The following EIF4E3 variants were observed in gnomAD, a reference collection of about 807,000 sequenced individuals.
The protein encoded by EIF4E3 is eukaryotic translation initiation factor 4E family member 3.
Under a neutral mutation model 31.7 loss-of-function variants are expected in EIF4E3, and 26 were observed. That is an observed-to-expected ratio of 0.82 (90% confidence interval 0.60 to 1.14). EIF4E3 has a LOEUF of 1.14. Ranked by LOEUF, EIF4E3 falls within the 50% of genes most tolerant of loss-of-function variation. The pLI is 0.00. For missense variants in EIF4E3, 304 were observed against 270.9 expected, an observed-to-expected ratio of 1.12 and a Z score of -0.86; for synonymous variants, 128 against 107.7, an observed-to-expected ratio of 1.19 and a Z score of -1.17.
intron 2 of EIF4E3, among the ~76,000 whole-genome samples, chr3:71,706,583 A>G (rs571491338): frequency 6.6e-6 from 1 of 152,250 alleles, no homozygotes; most frequent in East Asian, 1.9e-4. Context: ...TTGGGAGGTC[A>G]AGGAGGGAAC....
At chr3:71,663,684 CA>C in the EIF4E3 span, among the ~76,000 whole-genome samples, 1 of 152,218 alleles carries the variant, frequency 6.6e-6, no homozygotes, top group Non-Finnish European at 1.5e-5. Flanking sequence ...CTCTCAGGCC[CA>C]ACCAGGCCTT....
At chr3:71,699,759 T>C in intron 2 of EIF4E3, 51 bp from the exon 3 acceptor site, 1 of 1,477,286 alleles carries the variant, frequency 6.8e-7, no homozygotes, top group Admixed American at 1.8e-5. Flanking sequence ...ATTGATTTAT[T>C]ATGCTGCTAG....
chr3:71,754,206 C>T, upstream of EIF4E3: 1 of 1,406,656 alleles, frequency 7.1e-7, no homozygotes, highest in Non-Finnish European at 9.4e-7. This position sits in a 1 kb window ranked among gnomAD's most constrained non-coding sequence, Gnocchi z 5.8. Context: ...GCACCGCGCC[C>T]CGTACTACCT....
chr3:71,696,016 A>G (rs1251054859), intron 4 of EIF4E3, among the ~76,000 whole-genome samples: 1 of 152,232 alleles, frequency 6.6e-6, no homozygotes, highest in Non-Finnish European at 1.5e-5. Context: ...GGATAGTGAA[A>G]TGCCAAGCCT....
chr3:71,664,094 C>T, the EIF4E3 span, among the ~76,000 whole-genome samples: 2 of 152,228 alleles, frequency 1.3e-5, no homozygotes, highest in Middle Eastern at 3.4e-3. Context: ...GACTCAGCTC[C>T]TTGTGGGCTA....
chr3:71,686,842 G>A (rs1240613291), intron 6 of EIF4E3, among the ~76,000 whole-genome samples: 1 of 152,154 alleles, frequency 6.6e-6, no homozygotes, highest in East Asian at 1.9e-4. Context: ...AGAATTGGGA[G>A]TGCCTAGTGA....
At chr3:71,726,445 G>T (rs1190644509), upstream of EIF4E3, among the ~76,000 whole-genome samples, 2 of 152,176 alleles carry the variant, frequency 1.3e-5, no homozygotes, top group Non-Finnish European at 2.9e-5. Context: ...AAAAGCAAAG[G>T]CATGAGGCCT....
intron 1 of EIF4E3, among the ~76,000 whole-genome samples, chr3:71,734,764 A>C (rs914184516): frequency 6.6e-6 from 1 of 152,218 alleles, no homozygotes; most frequent in Non-Finnish European, 1.5e-5. Context: ...TAGCATCTTA[A>C]TAAGTTGTTG....
Position 71,710,433 on chromosome 3 carries a change from G to A in EIF4E3, c.228C>T (p.Ile76=), listed in dbSNP as rs1194174480. 6.4e-7 allele frequency: 1 copy of A among 1,552,168 alleles called. No homozygotes were observed. Among genetic ancestry groups the A allele is most frequent in the Admixed American group, 2.0e-5 (1 of 51,006 alleles). The change falls in exon 2 of 7, where the codon ATC becomes ATT. Residue 76 remains isoleucine, a synonymous_variant. Coordinates refer to ENST00000425534, the MANE Select transcript of EIF4E3 (RefSeq NM_001134651.2). ...AAECASNLKK[I]YTVQTVQIFW... is the part of the protein sequence containing the mutation. ...TTACCTGTACTGTCTGTACTGTGTA[G>A]ATTTTCTTCAGATTTGATGCGCACT...
At chr3:71,689,217 A>C (rs1030166060) in intron 6 of EIF4E3, among the ~76,000 whole-genome samples, 1 of 152,190 alleles carries the variant, frequency 6.6e-6, no homozygotes, top group African/African-American at 2.4e-5. Context: ...GATTCAATGA[A>C]ATACGGTAGT....
At chr3:71,674,000 G>GT (rs1305502610), downstream of EIF4E3, among the ~76,000 whole-genome samples, 1 of 137,308 alleles carries the variant, frequency 7.3e-6, no homozygotes, top group Non-Finnish European at 1.5e-5. Context: ...TCAGTGACAA[G>GT]TTTGAGTGTC....
At chr3:71,754,012 C>G, upstream of EIF4E3, 1 of 1,094,132 alleles carries the variant, frequency 9.1e-7, no homozygotes. The surrounding 1 kb of genome is among the most constrained non-coding windows in gnomAD (Gnocchi z 5.8). Flanking sequence ...AGGCAGGGGA[C>G]GGCCCCGGGG....
intron 1 of EIF4E3, among the ~76,000 whole-genome samples, chr3:71,744,940 G>A (rs2049856315): frequency 1.3e-5 from 2 of 152,144 alleles, no homozygotes; most frequent in African/African-American, 4.8e-5. Flanking sequence ...AGCTGTGCAG[G>A]GAGCTGTCCA....
rs771627986 is a variant in EIF4E3, at chr3:71,725,158, G to A, written c.176+34C>T. ...CGGCGGTGGCGGCAGGACCCGGGTCGGGGCCGTGCGCGGCGGGCCCCGCGC... is the reference window on the plus strand; with the variant it reads ...CGGCGGTGGCGGCAGGACCCGGGTCAGGGCCGTGCGCGGCGGGCCCCGCGC... On this transcript the variant is annotated intron_variant, in intron 1 of 6. Transcript: ENST00000425534. This position sits in a 1 kb window ranked among gnomAD's most constrained non-coding sequence, Gnocchi z 6.1. 2 of 1,064,362 alleles carry A rather than the reference G, an allele frequency of 1.9e-6. No individual in the cohort carries two copies. The highest frequency in any genetic ancestry group is 3.6e-5 in the South Asian group (1 of 27,562). The allele number at this position is 1,064,362 out of a possible 1,614,324, so 65.9% of individuals were successfully genotyped here. A position where few individuals can be genotyped will look rare whatever the true frequency, so the allele number is the denominator to read the frequency against.
intron 1 of EIF4E3, among the ~76,000 whole-genome samples, chr3:71,730,651 A>G (rs2049695856): frequency 6.6e-6 from 1 of 152,274 alleles, no homozygotes; most frequent in East Asian, 1.9e-4. Flanking sequence ...CCATCCACCT[A>G]TCAGACATTG....
the EIF4E3 span, among the ~76,000 whole-genome samples, chr3:71,665,129 T>A: frequency 6.6e-6 from 1 of 152,220 alleles, no homozygotes; most frequent in Non-Finnish European, 1.5e-5. Context: ...GTGACCCTCT[T>A]CTACTTTACC....
At chr3:71,720,824 G>A (rs2049536812) in intron 1 of EIF4E3, among the ~76,000 whole-genome samples, 1 of 152,174 alleles carries the variant, frequency 6.6e-6, no homozygotes, top group Non-Finnish European at 1.5e-5. Context: ...GACATAACCA[G>A]AACCTGCAGA....
chr3:71,731,654 AAG>A (rs1238622672), intron 1 of EIF4E3, among the ~76,000 whole-genome samples: 2 of 152,214 alleles, frequency 1.3e-5, no homozygotes, highest in Non-Finnish European at 2.9e-5. Context: ...GGTTGAAAGG[AAG>A]AGTCTGTGAC....
chr3:71,708,654 T>C (rs1472716998), intron 2 of EIF4E3, among the ~76,000 whole-genome samples: 1 of 152,068 alleles, frequency 6.6e-6, no homozygotes, highest in Non-Finnish European at 1.5e-5. Flanking sequence ...TGCATAACCC[T>C]GATGATCTAA....
Sources: gnomAD v4.1 joint callset for allele counts (sites outside exome capture counted in the v4.1 genomes callset) on GRCh38, gnomAD v4.1.1 for gene constraint, Gnocchi (gnomAD v3.1) non-coding constraint, MANE v1.5 for transcripts, NCBI Gene and HGNC (gene_info 2026-07-23, HGNC 2026-07-21) for gene names.